Variants in MECOM observed in about 807,000 individuals in gnomAD.
The protein encoded by MECOM is histone-lysine N-methyltransferase MECOM.
MECOM carries 13 observed loss-of-function variants against 116.3 expected under a neutral mutation model. The observed-to-expected ratio is 0.11, with a 90% CI of 0.07 to 0.18. The LOEUF is 0.18. MECOM is among the 10% of genes least tolerant of loss of function. MECOM has a pLI of 1.00. For synonymous variants in MECOM, 528 were observed against 535.2 expected (o/e 0.99, Z 0.19); for missense variants, 1,299 against 1,509.0 (o/e 0.86, Z 2.31).
chr3:169,605,001 T>C (rs1768333950), intron 1 of MECOM, among the ~76,000 whole-genome samples: 1 of 151,938 alleles, frequency 6.6e-6, no homozygotes, highest in Non-Finnish European at 1.5e-5. Context: ...AGGGCAAGAG[T>C]AGAAATGCTG....
chr3:169,300,314 A>C (rs1434670110), intron 2 of MECOM, among the ~76,000 whole-genome samples: 3 of 152,218 alleles, frequency 2.0e-5, no homozygotes, highest in African/African-American at 7.2e-5. Flanking sequence ...ATAGTAAATA[A>C]TCATAATTTA....
chr3:169,456,390 A>C (rs910927468), intron 1 of MECOM, among the ~76,000 whole-genome samples: 23 of 152,234 alleles, frequency 1.5e-4, no homozygotes, highest in African/African-American at 5.5e-4. Context: ...TAGTTGACAA[A>C]TCAAGGCAAT....
At chr3:169,466,736 G>A (rs1385053882) in intron 1 of MECOM, among the ~76,000 whole-genome samples, 1 of 152,012 alleles carries the variant, frequency 6.6e-6, no homozygotes, top group Non-Finnish European at 1.5e-5. Context: ...CAGATACATA[G>A]AGAGAGATTC....
rs562129543 is a variant in MECOM, at chr3:169,380,153, A to C, written c.375+1034T>G. Among the ~76,000 whole-genome samples, 219 of 152,296 alleles carry C rather than the reference A, an allele frequency of 1.4e-3. 3 individuals are homozygous for C. Among genetic ancestry groups the C allele is most frequent in the African/African-American group, 4.7e-3 (195 of 41,576 alleles). On this transcript the variant is annotated intron_variant, in intron 2 of 16. Transcript: ENST00000651503. ...CACTGAATATTCATTTCTATTTAAA[A>C]GCTAACCAGATATTCTATTAATGAT...
chr3:169,344,629 C>G (rs1725053706), intron 2 of MECOM, among the ~76,000 whole-genome samples: 1 of 152,152 alleles, frequency 6.6e-6, no homozygotes, highest in Non-Finnish European at 1.5e-5. Context: ...CTCAAAGGAA[C>G]CTTTTATAGT....
intron 2 of MECOM, among the ~76,000 whole-genome samples, chr3:169,192,108 G>C (rs139433357): frequency 2.0e-5 from 3 of 152,006 alleles, no homozygotes; most frequent in Admixed American, 1.3e-4. Context: ...GCATAGGTTT[G>C]AGGATCACAG....
In MECOM at chr3:169,096,965, G is replaced by GT. The variant is rs10577272; in HGVS notation, c.2850-1721dup. Among the ~76,000 whole-genome samples, 90 of 132,708 alleles carry GT rather than the reference G, an allele frequency of 6.8e-4. 1 individual carries two copies. Among genetic ancestry groups the GT allele is most frequent in the Admixed American group, 5.0e-3 (69 of 13,836 alleles). The allele number at this position is 132,708 out of a possible 152,430, so 87.1% of individuals were successfully genotyped here. On this transcript the variant is annotated intron_variant, in intron 12 of 16. Transcript: ENST00000651503. ...TGGTAGTTGTAATATTTTAGCCCCA[G>GT]TTTTTTTTTTTTTTAAATGCGTATA...
chr3:169,135,571 T>C (rs1178263356), intron 3 of MECOM, among the ~76,000 whole-genome samples: 2 of 151,956 alleles, frequency 1.3e-5, no homozygotes, highest in African/African-American at 4.8e-5. Context: ...TGTTAACTCC[T>C]CCAAAACTTT....
chr3:169,352,206 T>C (rs1259891186), intron 2 of MECOM, among the ~76,000 whole-genome samples: 1 of 151,928 alleles, frequency 6.6e-6, no homozygotes, highest in Non-Finnish European at 1.5e-5. Context: ...ACAAGTAGAT[T>C]TTCCTGTAAG....
At chr3:169,420,756 C>A (rs771702991) in intron 1 of MECOM, among the ~76,000 whole-genome samples, 9 of 151,992 alleles carry the variant, frequency 5.9e-5, no homozygotes, top group Non-Finnish European at 1.3e-4. Context: ...CTAACCAAGC[C>A]CATAATTCCT....
chr3:169,594,843 G>A lies in MECOM; in HGVS notation c.37+68493C>T, dbSNP rs185978070. Among the ~76,000 whole-genome samples the A allele has an allele frequency of 1.5e-3, 201 of 135,948 alleles. 1 individual carries two copies. Among genetic ancestry groups the A allele is most frequent in the Non-Finnish European group, 2.5e-3 (161 of 64,842 alleles). The allele number at this position is 135,948 out of a possible 152,430, so 89.2% of individuals were successfully genotyped here. A position where few individuals can be genotyped will look rare whatever the true frequency, so the allele number is the denominator to read the frequency against. On this transcript the variant is annotated intron_variant, in intron 1 of 16. Transcript: ENST00000651503. The stretch of plus-strand genomic sequence containing the variant: ...GGCCTAGTATGGAACACAAATAAAC[G>A]TCACAGAATCTGACCTTAAAAGCTG...
intron 1 of MECOM, among the ~76,000 whole-genome samples, chr3:169,478,656 G>A (rs1024422750): frequency 6.6e-6 from 1 of 152,142 alleles, no homozygotes; most frequent in Non-Finnish European, 1.5e-5. Context: ...ACTTCCCTAA[G>A]GTTGTGTGTA....
intron 2 of MECOM, among the ~76,000 whole-genome samples, chr3:169,204,138 T>C (rs933754822): frequency 2.0e-5 from 3 of 152,126 alleles, no homozygotes; most frequent in Non-Finnish European, 4.4e-5. Context: ...CACAACCAAG[T>C]CCATCCATAG....
intron 2 of MECOM, among the ~76,000 whole-genome samples, chr3:169,258,090 C>T (rs751903125): frequency 2.1e-4 from 32 of 152,046 alleles, no homozygotes; most frequent in African/African-American, 6.5e-4. Flanking sequence ...GCTGGTGGTG[C>T]GCTCCTGTAA....
intron 2 of MECOM, among the ~76,000 whole-genome samples, chr3:169,329,017 C>A (rs1179423399): frequency 1.3e-5 from 2 of 152,146 alleles, no homozygotes; most frequent in Non-Finnish European, 2.9e-5. Context: ...TACCTAGTAT[C>A]CTGAGTTTTA....
intron 1 of MECOM, among the ~76,000 whole-genome samples, chr3:169,503,287 T>A (rs955215147): frequency 6.6e-6 from 1 of 152,144 alleles, no homozygotes; most frequent in African/African-American, 2.4e-5. Flanking sequence ...ATCCCTCCAA[T>A]TCCCAGAGGC....
chr3:169,597,520 C>T (rs1767283162), intron 1 of MECOM, among the ~76,000 whole-genome samples: 1 of 152,234 alleles, frequency 6.6e-6, no homozygotes, highest in Non-Finnish European at 1.5e-5. Flanking sequence ...GCATCATATT[C>T]AGCCAATATC....
intron 1 of MECOM, among the ~76,000 whole-genome samples, chr3:169,633,045 T>G (rs917111374): frequency 3.3e-5 from 5 of 152,212 alleles, no homozygotes; most frequent in African/African-American, 1.2e-4. Flanking sequence ...TCTTTCCCTG[T>G]GATAACCTGG....
At chr3:169,186,957 T>A (rs1388318683) in intron 2 of MECOM, among the ~76,000 whole-genome samples, 1 of 152,206 alleles carries the variant, frequency 6.6e-6, no homozygotes, top group East Asian at 1.9e-4. Context: ...TAGTCACTGG[T>A]AGTGCAGTGA....
Sources: gnomAD v4.1 joint callset for allele counts (sites outside exome capture counted in the v4.1 genomes callset) on GRCh38, gnomAD v4.1.1 for gene constraint, MANE v1.5 for transcripts, NCBI Gene and HGNC (gene_info 2026-07-23, HGNC 2026-07-21) for gene names.